The following CAMK1 variants were observed in gnomAD, a reference collection of about 807,000 sequenced individuals.
CAMK1 encodes the protein calcium/calmodulin-dependent protein kinase type 1.
Under a neutral mutation model 49.1 loss-of-function variants are expected in CAMK1, and 39 were observed. The ratio of observed to expected loss-of-function variants is 0.79; its 90% CI spans 0.62 to 1.04. The LOEUF is 1.04. CAMK1 is among the 50% of genes least tolerant of loss of function. The probability of loss-of-function intolerance (pLI) is 0.00; values close to 1 mark genes in which losing one functional copy is unlikely to be tolerated. For missense variants in CAMK1, 457 were observed against 472.2 expected, an observed-to-expected ratio of 0.97 and a Z score of 0.30; for synonymous variants, 192 against 185.2, an observed-to-expected ratio of 1.04 and a Z score of -0.30.
chr3:9,765,680 G>A lies in CAMK1; in HGVS notation c.215+79C>T, dbSNP rs2078120259. 30 of 1,512,682 alleles carry A rather than the reference G, an allele frequency of 2.0e-5. No homozygotes were observed. The South Asian group carries it at 3.4e-4, about 17-fold the overall frequency. 93.7% of individuals were successfully genotyped at this position (1,512,682 alleles called of 1,614,324 possible). A position where few individuals can be genotyped will look rare whatever the true frequency, so the allele number is the denominator to read the frequency against. On this transcript the variant is annotated intron_variant, in intron 3 of 11. Coordinates refer to ENST00000256460, the MANE Select transcript of CAMK1 (RefSeq NM_003656.5). Reference sequence around the variant, plus strand: ...AAGGCTTAGAGAGTTTAAATGATTTGTCCAAAGCAGGAAAGGAGGAGGATG... The same window carrying A: ...AAGGCTTAGAGAGTTTAAATGATTTATCCAAAGCAGGAAAGGAGGAGGATG...
intron 10 of CAMK1, chr3:9,758,984 C>A (rs1406120087): frequency 1.7e-6 from 1 of 583,440 alleles, no homozygotes; most frequent in East Asian, 3.0e-5. Context: ...TGGGGCTCCT[C>A]AGTGCCCTCA....
chr3:9,761,626 C>G lies in CAMK1; in HGVS notation c.556+5G>C, dbSNP rs370403231. The G allele has an allele frequency of 2.5e-6, 4 of 1,614,126 alleles. No homozygotes were observed. In the Admixed American group the frequency reaches 5.0e-5, roughly 20 times the overall value. On this transcript the variant is annotated splice_donor_5th_base_variant and intron_variant, in intron 6 of 11. Coordinates refer to ENST00000256460, the MANE Select transcript of CAMK1 (RefSeq NM_003656.5). ...ATCACAGCCCCAGCCCAGGGCCCTC[C>G]GCACCCACGTATCCCGGAGTTCCAC...
Position 9,757,698 on chromosome 3 carries a change from C to T in CAMK1, c.1030+31G>A. 26 of 1,614,066 alleles carry T rather than the reference C, an allele frequency of 1.6e-5. No homozygotes were observed. The highest frequency in any genetic ancestry group is 2.1e-5 in the Non-Finnish European group (25 of 1,179,990). On this transcript the variant is annotated intron_variant, in intron 11 of 11. Transcript: ENST00000256460. This position sits in a 1 kb window ranked among gnomAD's most constrained non-coding sequence, Gnocchi z 4.5. ...AGCCCGGGTGCACCTTTGTGGACCA[C>T]CCATGCCCTTCTGCAGAGCCCGCTC... is the stretch of plus-strand genomic sequence containing the variant.
In CAMK1 at chr3:9,761,435, GCCTACCATGGCCAAGC is replaced by G; in HGVS notation, c.632+10_632+25del. On this transcript the variant is annotated intron_variant, in intron 7 of 11. Transcript: ENST00000256460. ...GCGAGAGGACAACTCTGGAGCCACAGCCTACCATGGCCAAGCCCCACTTACAAGATGTAGGCGATGA... is the reference window on the plus strand; with the variant it reads ...GCGAGAGGACAACTCTGGAGCCACAGCCCACTTACAAGATGTAGGCGATGA... The G allele has an allele frequency of 6.3e-7, 1 of 1,595,040 alleles. No homozygotes were observed.
chr3:9,759,875 C>A, intron 8 of CAMK1, 125 bp from the exon 9 acceptor site: 1 of 1,510,758 alleles, frequency 6.6e-7, no homozygotes, highest in Non-Finnish European at 9.0e-7. Context: ...CAGTCCATGC[C>A]CCACCCCACC....
intron 1 of CAMK1, among the ~76,000 whole-genome samples, chr3:9,769,135 A>C (rs1559707613): frequency 6.6e-6 from 1 of 151,902 alleles, no homozygotes; most frequent in Non-Finnish European, 1.5e-5. Flanking sequence ...ACAGTGCCCC[A>C]GACAGCCCTG....
At chr3:9,769,633 C>T (rs954070855) in intron 1 of CAMK1, among the ~76,000 whole-genome samples, 199 bp downstream of exon 1, 2 of 152,216 alleles carry the variant, frequency 1.3e-5, no homozygotes, top group African/African-American at 2.4e-5. Context: ...CTATTACCCA[C>T]TCAGTGTCCC....
At chr3:9,764,630 T>G (rs1279734031) in intron 3 of CAMK1, among the ~76,000 whole-genome samples, 9 of 33,454 alleles carry the variant, frequency 2.7e-4, no homozygotes, top group Non-Finnish European at 4.5e-4. Context: ...TTTTTTTTGT[T>G]TTTTTTTTTT....
intron 5 of CAMK1, among the ~76,000 whole-genome samples, chr3:9,762,566 A>C (rs764074650): frequency 6.6e-6 from 1 of 152,020 alleles, no homozygotes; most frequent in Middle Eastern, 3.2e-3. Flanking sequence ...TGGTAGAGAC[A>C]GGGTTTTGCC....
At chr3:9,762,096 C>T (rs1232794821) in intron 5 of CAMK1, 2 of 203,490 alleles carry the variant, frequency 9.8e-6, no homozygotes, top group Non-Finnish European at 2.0e-5. Flanking sequence ...TGTATAATCT[C>T]ACCTAACAGA....
chr3:9,769,617 C>T (rs1014547212), intron 1 of CAMK1, among the ~76,000 whole-genome samples: 8 of 152,228 alleles, frequency 5.3e-5, no homozygotes, highest in Non-Finnish European at 1.0e-4. Flanking sequence ...ACACAGGCCC[C>T]CTTCTCTATT....
intron 7 of CAMK1, chr3:9,761,229 A>G (rs991852679): frequency 1.5e-5 from 7 of 472,950 alleles, no homozygotes; most frequent in African/African-American, 1.4e-4. Flanking sequence ...CAGCTCCCTG[A>G]GGGCAGGCAC....
intron 1 of CAMK1, among the ~76,000 whole-genome samples, chr3:9,768,356 C>G (rs2078213886): frequency 6.6e-6 from 1 of 152,252 alleles, no homozygotes; most frequent in Admixed American, 6.5e-5. Context: ...CCAGACCTCT[C>G]CCTCCTGACT....
intron 10 of CAMK1, 178 bp from the exon 11 acceptor site, chr3:9,758,024 A>G (rs949283085): frequency 5.8e-6 from 5 of 862,778 alleles, no homozygotes; most frequent in African/African-American, 1.7e-5. Context: ...ATATTTACAC[A>G]CACACACGCA....
chr3:9,768,286 A>T (rs1023299092), intron 1 of CAMK1, among the ~76,000 whole-genome samples: 18 of 152,106 alleles, frequency 1.2e-4, no homozygotes, highest in Non-Finnish European at 7.4e-5. Flanking sequence ...TCTCAGCCAC[A>T]TTTTTAAATA....
chr3:9,764,628 G>GTTTTTTTTTTTTT, intron 3 of CAMK1, among the ~76,000 whole-genome samples: 1 of 92,336 alleles, frequency 1.1e-5, no homozygotes, highest in African/African-American at 4.3e-5. Flanking sequence ...TTTTTTTTTT[G>GTTTTTTTTTTTTT]TTTTTTTTTT....
chr3:9,766,443 T>C, intron 2 of CAMK1: 1 of 428,078 alleles, frequency 2.3e-6, no homozygotes, highest in Non-Finnish European at 4.3e-6. Flanking sequence ...GGAACTTTTT[T>C]AGAAATGCAA....
In CAMK1 at chr3:9,762,947, C is replaced by G. The variant is rs2077956975; in HGVS notation, c.396G>C (p.Leu132=). The change falls in exon 5 of 12, where the codon CTG becomes CTC. Residue 132 remains leucine (L), a synonymous_variant. Transcript: ENST00000256460. ...CCCGGTGTACAATGCCCAGGTCATG[C>G]AGGTATTTCACAGCATCCAGCACCT... ...IFQVLDAVKY[L]HDLGIVHRDL... The G allele has an allele frequency of 6.2e-7, 1 of 1,614,016 alleles. No homozygotes were observed. Among genetic ancestry groups the G allele is most frequent in the Non-Finnish European group, 8.5e-7 (1 of 1,180,032 alleles).
At chr3:9,760,242 CA>C (rs1575226408) in intron 8 of CAMK1, 2 of 161,340 alleles carry the variant, frequency 1.2e-5, no homozygotes, top group East Asian at 1.7e-4. Context: ...GACTGCGTCT[CA>C]AAAAAGAAAG....
Sources: allele counts gnomAD v4.1 joint callset (sites outside exome capture counted in the v4.1 genomes callset), GRCh38; gene constraint gnomAD v4.1.1; non-coding constraint Gnocchi (gnomAD v3.1); transcripts MANE v1.5; gene names NCBI Gene and HGNC (gene_info 2026-07-23, HGNC 2026-07-21).